CLTA: variants seen among roughly 807,000 people sequenced by gnomAD.
The protein encoded by CLTA is clathrin, light polypeptide (Lca).
In CLTA, 9 loss-of-function variants were observed where a neutral mutation model predicts 26.9. The observed-to-expected ratio is 0.33, with a 90% confidence interval of 0.20 to 0.58. The LOEUF is 0.58. Ranked by LOEUF, CLTA falls within the 20% of genes least tolerant of loss-of-function variation. The pLI is 0.85. For synonymous variants in CLTA, 120 were observed against 115.5 expected (o/e 1.04, Z -0.25); for missense variants, 278 against 294.2 (o/e 0.94, Z 0.40).
In CLTA at chr9:36,211,803, G is replaced by A. The variant is rs746153589; in HGVS notation, c.*29G>A. The A allele has an allele frequency of 6.5e-7, 1 of 1,548,582 alleles. No individual in the cohort carries two copies. The highest frequency in any genetic ancestry group is 8.9e-7 in the Non-Finnish European group (1 of 1,126,318). ...GCCACCCTGTGGAAACACTACATCT[G>A]CAATATCTTAATCCTACTCAGTGAA... On this transcript the variant is annotated 3_prime_UTR_variant, in exon 5 of 5. Coordinates refer to ENST00000345519, the MANE Select transcript of CLTA (RefSeq NM_001833.4).
At chr9:36,198,851 C>T (rs546774579) in intron 2 of CLTA, 128 bp from the exon 3 acceptor site, 66 of 556,494 alleles carry the variant, frequency 1.2e-4, no homozygotes, top group African/African-American at 8.8e-4. Flanking sequence ...CCAGCCTTGG[C>T]GACAAGAGTG....
At chr9:36,208,243 G>A (rs530382404) in intron 4 of CLTA, among the ~76,000 whole-genome samples, 2 of 152,250 alleles carry the variant, frequency 1.3e-5, no homozygotes, top group African/African-American at 4.8e-5. Flanking sequence ...GAGTGGGCTG[G>A]CAGAGCCCAG....
chr9:36,201,745 C>G (rs1827422840), intron 3 of CLTA, among the ~76,000 whole-genome samples: 1 of 152,206 alleles, frequency 6.6e-6, no homozygotes, highest in South Asian at 2.1e-4. Context: ...CAGCCCACAG[C>G]TTCTCATTGC....
At chr9:36,197,695 A>G in intron 2 of CLTA, 107 bp downstream of exon 2, 1 of 772,782 alleles carries the variant, frequency 1.3e-6, no homozygotes, top group Non-Finnish European at 2.1e-6. Flanking sequence ...GACTTTCCTG[A>G]ATGTATTACT....
chr9:36,208,936 G>A (rs1173163700), intron 4 of CLTA, among the ~76,000 whole-genome samples: 1 of 152,228 alleles, frequency 6.6e-6, no homozygotes, highest in Non-Finnish European at 1.5e-5. Flanking sequence ...GTTGTTAACA[G>A]TTAAGGATTG....
At chr9:36,196,348 T>C (rs1446252929) in intron 1 of CLTA, among the ~76,000 whole-genome samples, 1 of 151,066 alleles carries the variant, frequency 6.6e-6, no homozygotes, top group Admixed American at 6.6e-5. Context: ...TTTTCTTTTT[T>C]TTTTTTTTTA....
intron 1 of CLTA, among the ~76,000 whole-genome samples, chr9:36,192,710 GA>G (rs1563904689): frequency 6.6e-6 from 1 of 152,164 alleles, no homozygotes. Context: ...CAATCCTAGA[GA>G]GAAACGACTT....
intron 1 of CLTA, among the ~76,000 whole-genome samples, chr9:36,193,575 G>T (rs6476538): frequency 0.018 from 2,747 of 152,226 alleles, 79 homozygotes; most frequent in African/African-American, 0.063. Flanking sequence ...ACTATTAGTG[G>T]GAGAAAGGAG....
intron 4 of CLTA, among the ~76,000 whole-genome samples, chr9:36,206,305 C>T (rs761108532): frequency 2.8e-4 from 43 of 152,102 alleles, no homozygotes; most frequent in Non-Finnish European, 5.2e-4. Context: ...GAGAGCATAA[C>T]GCTAGTGGCA....
chr9:36,196,287 A>AAAAAT (rs111844899), intron 1 of CLTA, among the ~76,000 whole-genome samples: 53,287 of 149,532 alleles, frequency 0.36, 10,387 homozygotes, highest in African/African-American at 0.52. Context: ...TCTCTCAAAA[A>AAAAAT]AAAATAAAAT....
intron 4 of CLTA, among the ~76,000 whole-genome samples, chr9:36,208,846 G>A (rs967153713): frequency 6.6e-6 from 1 of 152,212 alleles, no homozygotes; most frequent in African/African-American, 2.4e-5. Context: ...TGCCACTGTG[G>A]TGTAGCTGAG....
intron 3 of CLTA, among the ~76,000 whole-genome samples, chr9:36,201,651 A>G (rs1304507061): frequency 1.3e-5 from 2 of 152,228 alleles, no homozygotes; most frequent in African/African-American, 2.4e-5. Flanking sequence ...TGTCCAATCA[A>G]AAAGGTAATT....
intron 4 of CLTA, among the ~76,000 whole-genome samples, chr9:36,204,799 C>G (rs1251539073): frequency 6.6e-6 from 1 of 152,172 alleles, no homozygotes; most frequent in Non-Finnish European, 1.5e-5. Context: ...TCTCATATCA[C>G]TACTCACCAG....
intron 3 of CLTA, among the ~76,000 whole-genome samples, chr9:36,202,912 C>T (rs955133513): frequency 6.6e-6 from 1 of 151,834 alleles, no homozygotes; most frequent in African/African-American, 2.4e-5. Flanking sequence ...ACCTCTGCCT[C>T]CCAGATTCAA....
chr9:36,211,064 C>A (rs1828016668), intron 4 of CLTA, among the ~76,000 whole-genome samples: 1 of 152,166 alleles, frequency 6.6e-6, no homozygotes, highest in African/African-American at 2.4e-5. Flanking sequence ...CCTAACAAAC[C>A]CCCTTCCAGA....
At chr9:36,210,327 A>AACTG (rs1474049792) in intron 4 of CLTA, among the ~76,000 whole-genome samples, 7 of 152,104 alleles carry the variant, frequency 4.6e-5, no homozygotes, top group African/African-American at 1.7e-4. Flanking sequence ...TAGAAGATAG[A>AACTG]ACTGGGTTTC....
chr9:36,208,443 G>A (rs151242058), intron 4 of CLTA, among the ~76,000 whole-genome samples: 1 of 152,334 alleles, frequency 6.6e-6, no homozygotes, highest in African/African-American at 2.4e-5. Context: ...TTCAGAAACT[G>A]TACCCGCTTC....
intron 3 of CLTA, among the ~76,000 whole-genome samples, chr9:36,202,814 ATTTC>A (rs1296583631): frequency 1.3e-5 from 2 of 149,630 alleles, no homozygotes; most frequent in Non-Finnish European, 3.0e-5. Flanking sequence ...TATGACATGT[ATTTC>A]TTTTTTTTTT....
chr9:36,199,515 T>C (rs1411793352), intron 3 of CLTA, among the ~76,000 whole-genome samples: 1 of 151,478 alleles, frequency 6.6e-6, no homozygotes, highest in Non-Finnish European at 1.5e-5. Flanking sequence ...AGTGGTGCGA[T>C]CTCGGCTCAT....
Sources: gnomAD v4.1 joint callset for allele counts (sites outside exome capture counted in the v4.1 genomes callset) on GRCh38, gnomAD v4.1.1 for gene constraint, MANE v1.5 for transcripts, NCBI Gene and HGNC (gene_info 2026-07-23, HGNC 2026-07-21) for gene names.